Variants in RFX1 observed in about 807,000 individuals in gnomAD.
The protein encoded by RFX1 is regulatory factor X1.
Under a neutral mutation model 119.6 loss-of-function variants are expected in RFX1, and 42 were observed. The ratio of observed to expected loss-of-function variants is 0.35; its 90% CI spans 0.27 to 0.45. RFX1 has a LOEUF of 0.45. Among genes scored for constraint, RFX1 ranks in the 20% least tolerant of loss-of-function variants. The pLI is 1.00. For missense variants in RFX1, 1,118 were observed against 1,368.1 expected, an observed-to-expected ratio of 0.82 and a Z score of 2.88; for synonymous variants, 628 against 618.5, an observed-to-expected ratio of 1.02 and a Z score of -0.23.
intron 8 of RFX1, among the ~76,000 whole-genome samples, chr19:13,975,901 T>C (rs1281534968): frequency 6.6e-6 from 1 of 152,004 alleles, no homozygotes; most frequent in African/African-American, 2.4e-5. Context: ...ACAGCAGGAG[T>C]GGCCCCCAAC....
In RFX1 at chr19:13,980,718, G is replaced by GCTGGGGTGGGCCTGCATCCTCT; in HGVS notation, c.622-30_622-29insAGAGGATGCAGGCCCACCCCAG. 1 of 646,418 alleles carries GCTGGGGTGGGCCTGCATCCTCT rather than the reference G, an allele frequency of 1.5e-6. No individual in the cohort carries two copies. The highest frequency in any genetic ancestry group is 2.1e-6 in the Non-Finnish European group (1 of 472,800). 40.0% of individuals were successfully genotyped at this position (646,418 alleles called of 1,614,324 possible). A position where few individuals can be genotyped will look rare whatever the true frequency, so the allele number is the denominator to read the frequency against. ...TAAGGGAAGGAGACACAGGAGTGCCGCTGGGGTGGGCTTGCATCCTCTCTG... is the reference window on the plus strand; with the variant it reads ...TAAGGGAAGGAGACACAGGAGTGCCGCTGGGGTGGGCCTGCATCCTCTCTGGGGTGGGCTTGCATCCTCTCTG... On this transcript the variant is annotated intron_variant, in intron 5 of 20. Coordinates refer to ENST00000254325, the MANE Select transcript of RFX1 (RefSeq NM_002918.5). The surrounding 1 kb of genome is among the most constrained non-coding windows in gnomAD (Gnocchi z 5.1).
In RFX1 at chr19:13,972,887, G is replaced by A. The variant is rs1354907379; in HGVS notation, c.1170C>T (p.Gly390=). The change falls in exon 9 of 21, where the codon GGC becomes GGT. Residue 390 remains glycine (G), a synonymous_variant. Transcript: ENST00000254325. ...SGGGGSGGGG[G]GGGGGGGGGS... ...CACCCCCGCCACCGCCTCCCCCGCC[G>A]CCGCCGCCACCACCACTGCCACCAC... 1.1e-5 allele frequency: 18 copies of A among 1,566,600 alleles called. No homozygotes were observed. The highest frequency in any genetic ancestry group is 2.2e-4 in the Middle Eastern group (1 of 4,470).
intron 6 of RFX1, among the ~76,000 whole-genome samples, chr19:13,979,813 C>T (rs1974371544): frequency 6.6e-6 from 1 of 152,182 alleles, no homozygotes; most frequent in Non-Finnish European, 1.5e-5. Context: ...GCCAAGAACC[C>T]GCAGGCAAGG....
intron 9 of RFX1, among the ~76,000 whole-genome samples, chr19:13,972,431 T>C (rs1367461246): frequency 6.6e-6 from 1 of 152,074 alleles, no homozygotes; most frequent in Non-Finnish European, 1.5e-5. Context: ...TGACTTCAGG[T>C]GATCCACCCA....
Position 13,965,607 on chromosome 19 carries a change from G to A in RFX1, c.2113+19C>T, listed in dbSNP as rs764327448. On this transcript the variant is annotated intron_variant, in intron 15 of 20. Transcript: ENST00000254325. This position sits in a 1 kb window ranked among gnomAD's most constrained non-coding sequence, Gnocchi z 4.7. ...GGGTGTATGTGGGGCAGGGGATGCC[G>A]AGCAGGCCGAGCACTCACTGGGGAT... The A allele has an allele frequency of 2.0e-5, 33 of 1,612,418 alleles. No homozygotes were observed. Among genetic ancestry groups the A allele is most frequent in the South Asian group, 1.1e-4 (10 of 91,004 alleles).
At position 13,980,252 on chromosome 19, in the gene RFX1, G is replaced by A. The variant is rs1271916319; in HGVS notation, c.738+321C>T. ...TGAAATCCTCCCCAGAAGGAGCCAG[G>A]ATGTGGCCTCGGGGCTTCCTTCAGG... On this transcript the variant is annotated intron_variant, in intron 6 of 20. Coordinates refer to ENST00000254325, the MANE Select transcript of RFX1 (RefSeq NM_002918.5). The surrounding 1 kb of genome is among the most constrained non-coding windows in gnomAD (Gnocchi z 5.1). Among the ~76,000 whole-genome samples the A allele has an allele frequency of 2.0e-5, 3 of 152,274 alleles. No homozygotes were observed. The highest frequency in any genetic ancestry group is 3.9e-4 in the East Asian group (2 of 5,176).
intron 1 of RFX1, among the ~76,000 whole-genome samples, chr19:13,994,937 T>TATATATAA (rs1194739757): frequency 2.7e-5 from 3 of 111,490 alleles, no homozygotes; most frequent in African/African-American, 6.6e-5. Context: ...TATATATATA[T>TATATATAA]AATCATTTTT....
chr19:13,983,326 G>A (rs762413005), intron 3 of RFX1, 56 bp from the exon 4 acceptor site: 12 of 1,430,102 alleles, frequency 8.4e-6, no homozygotes, highest in Admixed American at 6.1e-5. Flanking sequence ...GAGGCCTGGC[G>A]TGGTTGGGTG....
chr19:13,983,560 C>G lies in RFX1; in HGVS notation c.355G>C (p.Ala119Pro), dbSNP rs765601746. Residue 119 changes from alanine to proline, a missense_variant, in exon 3 of 21, where the codon GCC becomes CCC. By Grantham distance (27) the Ala-to-Pro change is conservative. Around this residue, in one of 5 missense-constraint regions of RFX1, gnomAD observed 542 missense variants for 602.7 expected, o/e 0.90. Coordinates refer to ENST00000254325, the MANE Select transcript of RFX1 (RefSeq NM_002918.5). ...TGGCTGGCGGTGGAGCCGGGGCTGG[C>G]CTCCGACACTGTCTCGCTGGCCCGC... Reference protein sequence around the residue: ...AMRASETVSEASPGSTASQTG... With the variant: ...AMRASETVSEPSPGSTASQTG... The G allele has an allele frequency of 6.2e-7, 1 of 1,610,434 alleles. No homozygotes were observed. Among genetic ancestry groups the G allele is most frequent in the African/African-American group, 1.3e-5 (1 of 75,012 alleles).
intron 8 of RFX1, among the ~76,000 whole-genome samples, chr19:13,974,485 G>C (rs576008616): frequency 2.0e-5 from 3 of 152,294 alleles, no homozygotes; most frequent in East Asian, 3.9e-4. Flanking sequence ...CTATGCAGGG[G>C]TGAAAGAGAA....
rs1383572009 is a variant in RFX1, at chr19:13,963,331, C to T, written c.2571-56G>A. 7 of 1,551,960 alleles carry T rather than the reference C, an allele frequency of 4.5e-6. No individual in the cohort carries two copies. The Admixed American group carries it at 1.3e-4, about 29-fold the overall frequency. On this transcript the variant is annotated intron_variant, in intron 18 of 20. Coordinates refer to ENST00000254325, the MANE Select transcript of RFX1 (RefSeq NM_002918.5). The stretch of plus-strand genomic sequence containing the variant: ...GGCCCCGTCCGGCCCGACCCCCTCT[C>T]CCCCTCCCCGCTGCGATGCGCCCGG...
At position 13,962,383 on chromosome 19, in the gene RFX1, G is replaced by A; in HGVS notation, c.*312C>T. On this transcript the variant is annotated 3_prime_UTR_variant, in exon 21 of 21. Transcript: ENST00000254325. ...CTGCCCCCTGGGGTGGTGGGAGGAC[G>A]GGGCTGGGGAGAAGACGCTGGGGCC... is the stretch of plus-strand genomic sequence containing the variant. 1 of 412,074 alleles carries A rather than the reference G, an allele frequency of 2.4e-6. No individual in the cohort carries two copies. The highest frequency in any genetic ancestry group is 4.4e-6 in the Non-Finnish European group (1 of 229,496). 25.5% of individuals were successfully genotyped at this position (412,074 alleles called of 1,614,324 possible).
At chr19:13,973,953 A>G in intron 8 of RFX1, among the ~76,000 whole-genome samples, 1 of 152,044 alleles carries the variant, frequency 6.6e-6, no homozygotes, top group Non-Finnish European at 1.5e-5. Flanking sequence ...TTTAATTAAA[A>G]AAAAAAAAAA....
intron 7 of RFX1, among the ~76,000 whole-genome samples, chr19:13,978,437 G>C (rs1473583692): frequency 6.6e-6 from 1 of 152,218 alleles, no homozygotes; most frequent in Non-Finnish European, 1.5e-5. Context: ...GGCCTCAGGG[G>C]TGGGGCCTGG....
At chr19:13,995,932 G>A (rs1185103707) in intron 1 of RFX1, among the ~76,000 whole-genome samples, 1 of 152,014 alleles carries the variant, frequency 6.6e-6, no homozygotes, top group Non-Finnish European at 1.5e-5. Flanking sequence ...GGAGGCTGAG[G>A]TGGGAGAATT....
rs1222914467 is a variant in RFX1 at position 13,961,836 on chromosome 19, CCAA to C, written c.*856_*858del. The stretch of plus-strand genomic sequence containing the variant: ...AAGGCCATGATGGTTGGAAAAAAAC[CCAA>C]CAAGTTACCAACTCCGCTCGGGCGG... On this transcript the variant is annotated 3_prime_UTR_variant, in exon 21 of 21. Coordinates refer to ENST00000254325, the MANE Select transcript of RFX1 (RefSeq NM_002918.5). 1 of 152,392 alleles carries C rather than the reference CCAA, an allele frequency of 6.6e-6. No homozygotes were observed. Among genetic ancestry groups the C allele is most frequent in the Non-Finnish European group, 1.5e-5 (1 of 68,068 alleles). The allele number at this position is 152,392 out of a possible 1,614,324, so 9.4% of individuals were successfully genotyped here. A position where few individuals can be genotyped will look rare whatever the true frequency, so the allele number is the denominator to read the frequency against.
intron 1 of RFX1, among the ~76,000 whole-genome samples, chr19:13,999,810 G>T (rs1219743779): frequency 6.6e-6 from 1 of 151,978 alleles, no homozygotes; most frequent in Non-Finnish European, 1.5e-5. Flanking sequence ...TGAGGAGCTG[G>T]GATTACAGGT....
intron 4 of RFX1, 156 bp downstream of exon 4, chr19:13,983,031 T>C (rs1170842764): frequency 4.9e-6 from 3 of 609,154 alleles, no homozygotes; most frequent in Admixed American, 2.8e-5. Context: ...AGTCTCACCC[T>C]GGGGAGGTGA....
At chr19:13,978,345 G>A (rs1169829281) in intron 7 of RFX1, among the ~76,000 whole-genome samples, 4 of 152,176 alleles carry the variant, frequency 2.6e-5, no homozygotes, top group Admixed American at 6.5e-5. Flanking sequence ...GGGGACCCGA[G>A]ACAGGGTCCT....
Sources: gnomAD v4.1 joint callset for allele counts (sites outside exome capture counted in the v4.1 genomes callset) on GRCh38, gnomAD v4.1.1 for gene constraint, gnomAD v4.1.1 regional missense constraint, Gnocchi (gnomAD v3.1) non-coding constraint, MANE v1.5 for transcripts, NCBI Gene and HGNC (gene_info 2026-07-23, HGNC 2026-07-21) for gene names.